ACVR2B: variants seen among roughly 807,000 people sequenced by gnomAD.
ACVR2B encodes activin receptor type-2B.
Under a neutral mutation model 65.1 loss-of-function variants are expected in ACVR2B, and 18 were observed. That is an observed-to-expected ratio of 0.28 (90% confidence interval 0.19 to 0.41). The LOEUF (loss-of-function observed/expected upper bound fraction) is 0.41. ACVR2B is among the 10% of genes least tolerant of loss of function. ACVR2B has a pLI of 1.00. For missense variants in ACVR2B, 482 were observed against 682.7 expected, an observed-to-expected ratio of 0.71 and a Z score of 3.28; for synonymous variants, 298 against 277.7, an observed-to-expected ratio of 1.07 and a Z score of -0.73.
At position 38,486,209 on chromosome 3, in the gene ACVR2B, G is replaced by C. The variant is rs750960841; in HGVS notation, c.*2877G>C. On this transcript the variant is annotated 3_prime_UTR_variant, in exon 11 of 11. Coordinates refer to ENST00000352511, the MANE Select transcript of ACVR2B (RefSeq NM_001106.4). ...CCCTGTGGGGCCTTGCCATCAGATT[G>C]TGTGTCAGGAGATGGTACCTTTTTG... 4 of 152,246 alleles carry C rather than the reference G, an allele frequency of 2.6e-5. No individual in the cohort carries two copies. The highest frequency in any genetic ancestry group is 4.4e-5 in the Non-Finnish European group (3 of 68,084). The allele number at this position is 152,246 out of a possible 1,614,324, so 9.4% of individuals were successfully genotyped here.
rs1710097198 is a variant in ACVR2B at position 38,485,359 on chromosome 3, CTCTGTGAA to C, written c.*2028_*2035del. On this transcript the variant is annotated 3_prime_UTR_variant, in exon 11 of 11. Transcript: ENST00000352511. The stretch of plus-strand genomic sequence containing the variant: ...CAACGTTGGAAGAGATCTGTGGCGC[CTCTGTGAA>C]GCACACCGTGACTCAGGCCAGTCTT... 1 of 152,246 alleles carries C rather than the reference CTCTGTGAA, an allele frequency of 6.6e-6. No individual in the cohort carries two copies. Among genetic ancestry groups the C allele is most frequent in the Non-Finnish European group, 1.5e-5 (1 of 68,068 alleles). 9.4% of individuals were successfully genotyped at this position (152,246 alleles called of 1,614,324 possible).
rs200401350 is a variant in ACVR2B at position 38,477,504 on chromosome 3, G to C, written c.260+10G>C. On this transcript the variant is annotated intron_variant, in intron 2 of 10. Transcript: ENST00000352511. The surrounding 1 kb of genome is among the most constrained non-coding windows in gnomAD (Gnocchi z 6.7). ...TCAACTGCTACGATAGGTACCCCAA[G>C]ACTTGCCCTCCTTTCCTCTTGGACC... The C allele has an allele frequency of 1.5e-5, 24 of 1,613,050 alleles. No homozygotes were observed. Among genetic ancestry groups the C allele is most frequent in the Non-Finnish European group, 1.8e-5 (21 of 1,179,622 alleles).
At chr3:38,460,320 G>A (rs1250465425) in intron 1 of ACVR2B, among the ~76,000 whole-genome samples, 2 of 152,116 alleles carry the variant, frequency 1.3e-5, no homozygotes, top group African/African-American at 4.8e-5. Context: ...CCTATTCCTT[G>A]TGGTCCTGGG....
At chr3:38,465,208 C>T (rs1019872444) in intron 1 of ACVR2B, among the ~76,000 whole-genome samples, 2 of 151,912 alleles carry the variant, frequency 1.3e-5, no homozygotes, top group African/African-American at 4.8e-5. Flanking sequence ...ACCAACCTGG[C>T]CAACATGGTG....
At chr3:38,467,384 G>T (rs1004160176) in intron 1 of ACVR2B, among the ~76,000 whole-genome samples, 1 of 151,978 alleles carries the variant, frequency 6.6e-6, no homozygotes, top group East Asian at 1.9e-4. Flanking sequence ...CGGAAGTTTC[G>T]GTGAGCTGAG....
rs1388827960 is a variant in ACVR2B at position 38,478,155 on chromosome 3, C to A, written c.385C>A (p.Pro129Thr). 1 of 1,611,856 alleles carries A rather than the reference C, an allele frequency of 6.2e-7. No individual in the cohort carries two copies. The highest frequency in any genetic ancestry group is 8.5e-7 in the Non-Finnish European group (1 of 1,179,646). Residue 129 changes from proline (P) to threonine (T), a missense_variant, in exon 4 of 11, where the codon CCC (proline) becomes ACC (threonine). By Grantham distance (38) the Pro-to-Thr change is conservative. This residue lies in a region of ACVR2B where 95 missense variants were observed against 91.6 expected (regional missense o/e 1.04). Coordinates refer to ENST00000352511, the MANE Select transcript of ACVR2B (RefSeq NM_001106.4). ...GTGTCCCCCAGTCACGTACGAGCCA[C>A]CCCCGACAGCCCCCACCCTGCTCAC... Reference protein sequence around the residue: ...AGGPEVTYEPPPTAPTLLTVL... With the variant: ...AGGPEVTYEPTPTAPTLLTVL...
chr3:38,471,514 C>T (rs1030789986), intron 1 of ACVR2B, among the ~76,000 whole-genome samples: 2 of 152,134 alleles, frequency 1.3e-5, no homozygotes, highest in African/African-American at 4.8e-5. Flanking sequence ...CACACACACG[C>T]ACACACACAA....
rs1238985853 is a variant in ACVR2B at position 38,484,850 on chromosome 3, A to G, written c.*1518A>G. 6.5e-6 allele frequency: 1 copy of G among 152,676 alleles called. No homozygotes were observed. Among genetic ancestry groups the G allele is most frequent in the Admixed American group, 6.5e-5 (1 of 15,290 alleles). The allele number at this position is 152,676 out of a possible 1,614,324, so 9.5% of individuals were successfully genotyped here. A position where few individuals can be genotyped will look rare whatever the true frequency, so the allele number is the denominator to read the frequency against. ...TATTTTGTTAGTTGTGTTGTCTTGT[A>G]GTAAGTATATTTTAATGTAAGTTGG... On this transcript the variant is annotated 3_prime_UTR_variant, in exon 11 of 11. Transcript: ENST00000352511.
At chr3:38,463,224 C>G (rs868697269) in intron 1 of ACVR2B, among the ~76,000 whole-genome samples, 7 of 152,272 alleles carry the variant, frequency 4.6e-5, no homozygotes, top group Middle Eastern at 6.8e-3. Flanking sequence ...TGTTCACTTA[C>G]CAGGCTCTAT....
rs748956789 is a variant in ACVR2B, at chr3:38,485,301, A to C, written c.*1969A>C. ...CCTTAGACCTGAATGGGGTGATTTTACTTGGGATTTAACTTCTTCAGCAAA... is the reference window on the plus strand; with the variant it reads ...CCTTAGACCTGAATGGGGTGATTTTCCTTGGGATTTAACTTCTTCAGCAAA... On this transcript the variant is annotated 3_prime_UTR_variant, in exon 11 of 11. Transcript: ENST00000352511. The C allele has an allele frequency of 5.3e-5, 8 of 152,348 alleles. No homozygotes were observed. The highest frequency in any genetic ancestry group is 6.8e-3 in the Middle Eastern group (2 of 294). 9.4% of individuals were successfully genotyped at this position (152,348 alleles called of 1,614,324 possible). A position where few individuals can be genotyped will look rare whatever the true frequency, so the allele number is the denominator to read the frequency against.
chr3:38,483,400 G>A lies in ACVR2B; in HGVS notation c.*68G>A. ...AAAAAAGGAAAAAAAGTTGTGTTTT[G>A]TTTTGGAAATCCCATAAAACCAACA... On this transcript the variant is annotated 3_prime_UTR_variant, in exon 11 of 11. Coordinates refer to ENST00000352511, the MANE Select transcript of ACVR2B (RefSeq NM_001106.4). The surrounding 1 kb of genome is among the most constrained non-coding windows in gnomAD (Gnocchi z 4.8). 1.3e-6 allele frequency: 2 copies of A among 1,561,148 alleles called. No individual in the cohort carries two copies. The highest frequency in any genetic ancestry group is 4.5e-5 in the East Asian group (2 of 44,500).
intron 1 of ACVR2B, among the ~76,000 whole-genome samples, chr3:38,457,328 G>GA (rs1248266692): frequency 6.6e-6 from 1 of 152,214 alleles, no homozygotes; most frequent in Non-Finnish European, 1.5e-5. Flanking sequence ...GTGCCTTACA[G>GA]AACATCCTCA....
intron 1 of ACVR2B, among the ~76,000 whole-genome samples, chr3:38,458,403 C>A (rs1328042567): frequency 6.6e-6 from 1 of 152,196 alleles, no homozygotes; most frequent in African/African-American, 2.4e-5. Context: ...TGTACAGATA[C>A]TGGGAACCTA....
chr3:38,483,136 A>G lies in ACVR2B; in HGVS notation c.1345-2A>G. On this transcript the variant is annotated splice_acceptor_variant, in intron 10 of 10. Transcript: ENST00000352511. LOFTEE classifies it high-confidence loss of function. This position sits in a 1 kb window ranked among gnomAD's most constrained non-coding sequence, Gnocchi z 4.8. Reference sequence around the variant, plus strand: ...CTTTCCTGTCTGCCCTATGCTGCTTAGGGCCTGGCCCAGCTTTGTGTGACC... The same window carrying G: ...CTTTCCTGTCTGCCCTATGCTGCTTGGGGCCTGGCCCAGCTTTGTGTGACC... The G allele has an allele frequency of 6.2e-7, 1 of 1,614,160 alleles. No homozygotes were observed. The highest frequency in any genetic ancestry group is 8.5e-7 in the Non-Finnish European group (1 of 1,180,014).
At chr3:38,466,460 C>G (rs1709729530) in intron 1 of ACVR2B, among the ~76,000 whole-genome samples, 1 of 151,900 alleles carries the variant, frequency 6.6e-6, no homozygotes, top group Admixed American at 6.6e-5. Context: ...GTATTCTACC[C>G]CATAAATATG....
intron 1 of ACVR2B, among the ~76,000 whole-genome samples, chr3:38,460,414 CTCTG>C (rs1709624194): frequency 1.3e-5 from 2 of 152,178 alleles, no homozygotes; most frequent in Non-Finnish European, 2.9e-5. Context: ...TCAGTGATGT[CTCTG>C]ACTAAGGCAG....
chr3:38,466,230 T>C (rs1709724941), intron 1 of ACVR2B, among the ~76,000 whole-genome samples: 1 of 152,162 alleles, frequency 6.6e-6, no homozygotes, highest in Admixed American at 6.5e-5. Context: ...GGAGGTCAGA[T>C]GGGGAGAGGG....
rs182837069 is a variant in ACVR2B, at chr3:38,477,651, T to A, written c.260+157T>A. On this transcript the variant is annotated intron_variant, in intron 2 of 10. Coordinates refer to ENST00000352511, the MANE Select transcript of ACVR2B (RefSeq NM_001106.4). The surrounding 1 kb of genome is among the most constrained non-coding windows in gnomAD (Gnocchi z 6.7). ...GCCCCACGCCCTTCCACACCCTATTTGTCCTACCTTAGCCCTGAGGAGGGG... is the reference window on the plus strand; with the variant it reads ...GCCCCACGCCCTTCCACACCCTATTAGTCCTACCTTAGCCCTGAGGAGGGG... 5.4e-3 allele frequency among the ~76,000 whole-genome samples: 829 copies of A among 152,274 alleles called. 7 individuals are homozygous for A. Among genetic ancestry groups the A allele is most frequent in the Middle Eastern group, 0.048 (14 of 294 alleles).
Position 38,478,120 on chromosome 3 carries a change from A to G in ACVR2B, c.371-21A>G, listed in dbSNP as rs754092252. ...TGAGGGTGGGCAGACTGTTTGACAC[A>G]GGGCTCTGTGTGTCCCCCAGTCACG... is the stretch of plus-strand genomic sequence containing the variant. On this transcript the variant is annotated intron_variant, in intron 3 of 10. Coordinates refer to ENST00000352511, the MANE Select transcript of ACVR2B (RefSeq NM_001106.4). The G allele has an allele frequency of 3.1e-6, 5 of 1,610,998 alleles. No homozygotes were observed. In the African/African-American group the frequency reaches 5.4e-5, roughly 17 times the overall value.
Sources: gnomAD v4.1 joint callset for allele counts (sites outside exome capture counted in the v4.1 genomes callset) on GRCh38, gnomAD v4.1.1 for gene constraint, gnomAD v4.1.1 regional missense constraint, Gnocchi (gnomAD v3.1) non-coding constraint, MANE v1.5 for transcripts, NCBI Gene and HGNC (gene_info 2026-07-23, HGNC 2026-07-21) for gene names.